OSBP2: variants seen among roughly 807,000 people sequenced by gnomAD.
OSBP2 encodes the protein oxysterol-binding protein 2.
In OSBP2, 66 loss-of-function variants were observed where a neutral mutation model predicts 96.0. The ratio of observed to expected loss-of-function variants is 0.69; its 90% CI spans 0.56 to 0.84. OSBP2 has a LOEUF of 0.84. OSBP2 is among the 40% of genes least tolerant of loss of function. The pLI is 0.00. For synonymous variants in OSBP2, 525 were observed against 520.9 expected (o/e 1.01, Z -0.11); for missense variants, 1,038 against 1,222.7 (o/e 0.85, Z 2.25).
chr22:30,826,129 G>A (rs2038400089), intron 2 of OSBP2, among the ~76,000 whole-genome samples: 1 of 152,162 alleles, frequency 6.6e-6, no homozygotes, highest in Non-Finnish European at 1.5e-5. Flanking sequence ...TAAAGGCCAG[G>A]ACAGAGAAGG....
chr22:30,803,585 C>T (rs1274148830), intron 2 of OSBP2, among the ~76,000 whole-genome samples: 1 of 152,226 alleles, frequency 6.6e-6, no homozygotes, highest in African/African-American at 2.4e-5. Context: ...AGAGGCCAGC[C>T]ATCTTTTAGC....
At chr22:30,794,635 T>C (rs2090730124) in intron 2 of OSBP2, among the ~76,000 whole-genome samples, 1 of 151,894 alleles carries the variant, frequency 6.6e-6, no homozygotes, top group African/African-American at 2.4e-5. Context: ...CTTTAAGTTA[T>C]TAATTTGCTA....
chr22:30,722,783 CTGTCT>C (rs1429685963), intron 1 of OSBP2, among the ~76,000 whole-genome samples: 1 of 116,724 alleles, frequency 8.6e-6, no homozygotes, highest in Non-Finnish European at 1.6e-5. Context: ...TTCTCTCTCT[CTGTCT>C]TTTTTTTTTT....
In OSBP2 at chr22:30,907,422, C is replaced by CG. The variant is rs1225795139; in HGVS notation, c.*1083_*1084insG. On this transcript the variant is annotated 3_prime_UTR_variant, in exon 14 of 14. Coordinates refer to ENST00000332585, the MANE Select transcript of OSBP2 (RefSeq NM_030758.4). ...AAATGATGAAGACGGGTGCACCTGT[C>CG]TGAGTTTGGCCCTCATGTGAGCTGT... The CG allele has an allele frequency of 6.6e-6, 1 of 151,496 alleles. No homozygotes were observed. The highest frequency in any genetic ancestry group is 2.4e-5 in the African/African-American group (1 of 41,346). The allele number at this position is 151,496 out of a possible 1,614,324, so 9.4% of individuals were successfully genotyped here.
At chr22:30,895,371 C>T (rs1470860186) in intron 12 of OSBP2, among the ~76,000 whole-genome samples, 1 of 151,898 alleles carries the variant, frequency 6.6e-6, no homozygotes, top group Non-Finnish European at 1.5e-5. Context: ...GTGCTGAAGA[C>T]AAGAAATAAA....
chr22:30,722,712 T>C (rs1474237274), intron 1 of OSBP2, among the ~76,000 whole-genome samples: 1 of 151,380 alleles, frequency 6.6e-6, no homozygotes, highest in Non-Finnish European at 1.5e-5. Context: ...TTCTTTCTCT[T>C]TTTTCTTTCT....
Position 30,732,577 on chromosome 22 carries a change from C to T in OSBP2, c.645-8584C>T, listed in dbSNP as rs138922812. ...CCAGATCAGTGGAATCTTTGTTTCA[C>T]ATTCCTCCCTTACCCCAGGACTAGA... On this transcript the variant is annotated intron_variant, in intron 1 of 13. Coordinates refer to ENST00000332585, the MANE Select transcript of OSBP2 (RefSeq NM_030758.4). Among the ~76,000 whole-genome samples the T allele has an allele frequency of 2.9e-3, 439 of 152,318 alleles. 1 individual carries two copies. The highest frequency in any genetic ancestry group is 5.3e-3 in the Non-Finnish European group (362 of 68,034).
At position 30,893,140 on chromosome 22, in the gene OSBP2, T is replaced by A; in HGVS notation, c.1888T>A (p.Ser630Thr). ...LCEQVSHHPP[S>T]AAHYVFSKHG... ...GTCTCAGGTGAGCCACCACCCCCCC[T>A]CAGCTGCGCACTACGTGTTCTCCAA... The change falls in exon 9 of 14, where the codon TCA (serine) becomes ACA (threonine). Residue 630 changes from serine (S) to threonine (T), a missense_variant. By Grantham distance (58) the Ser-to-Thr change is moderately conservative. Coordinates refer to ENST00000332585, the MANE Select transcript of OSBP2 (RefSeq NM_030758.4). 6.2e-7 allele frequency: 1 copy of A among 1,613,932 alleles called. No individual in the cohort carries two copies. The highest frequency in any genetic ancestry group is 8.5e-7 in the Non-Finnish European group (1 of 1,179,922).
At chr22:30,815,729 CT>C (rs1465067218) in intron 2 of OSBP2, among the ~76,000 whole-genome samples, 1 of 152,116 alleles carries the variant, frequency 6.6e-6, no homozygotes, top group African/African-American at 2.4e-5. Flanking sequence ...CTATCTTTCT[CT>C]TTTTTCTTTT....
chr22:30,862,771 T>A (rs1476362639), intron 2 of OSBP2, among the ~76,000 whole-genome samples: 2 of 149,946 alleles, frequency 1.3e-5, no homozygotes, highest in Non-Finnish European at 3.0e-5. Flanking sequence ...CAGGCGTTCC[T>A]GACCAGCCTG....
In OSBP2 at chr22:30,695,383, G is replaced by A; in HGVS notation, c.474G>A (p.Ala158=). The A allele has an allele frequency of 6.2e-7, 1 of 1,613,934 alleles. No individual in the cohort carries two copies. The highest frequency in any genetic ancestry group is 1.1e-5 in the South Asian group (1 of 91,084). Residue 158 remains alanine (A), a synonymous_variant, in exon 1 of 14, where the codon GCG becomes GCA. Transcript: ENST00000332585. Reference sequence around the variant, plus strand: ...TGCCTCTTCTGCGACCAGGACAGGCGAAGACTCCTCTTGGGGTTCCAATGT... The same window carrying A: ...TGCCTCTTCTGCGACCAGGACAGGCAAAGACTCCTCTTGGGGTTCCAATGT... ...KPLPLLRPGQ[A]KTPLGVPMSG...
At chr22:30,877,601 G>A (rs1030907862) in intron 3 of OSBP2, among the ~76,000 whole-genome samples, 5 of 152,194 alleles carry the variant, frequency 3.3e-5, no homozygotes, top group African/African-American at 7.2e-5. Context: ...AGCAGGTTCC[G>A]TCTGCAGGCC....
chr22:30,866,465 C>T (rs1349556855), intron 2 of OSBP2, among the ~76,000 whole-genome samples: 2 of 152,196 alleles, frequency 1.3e-5, no homozygotes, highest in African/African-American at 4.8e-5. Flanking sequence ...CTGGGCCAGG[C>T]GCGGTGGCTC....
At chr22:30,728,987 A>G (rs2089699928) in intron 1 of OSBP2, among the ~76,000 whole-genome samples, 1 of 152,192 alleles carries the variant, frequency 6.6e-6, no homozygotes, top group African/African-American at 2.4e-5. Context: ...TGGTAAGCAT[A>G]TGTACACATT....
Position 30,853,301 on chromosome 22 carries a change from C to T in OSBP2, c.854-17128C>T, listed in dbSNP as rs144409464. 2.4e-4 allele frequency among the ~76,000 whole-genome samples: 37 copies of T among 152,268 alleles called. No homozygotes were observed. In the East Asian group the frequency reaches 6.4e-3, roughly 26 times the overall value. ...TACCTTTAAGCTCTGTCACGAGGCA[C>T]GTGCACATCCAGGAGTTTGTGTTAT... On this transcript the variant is annotated intron_variant, in intron 2 of 13. Coordinates refer to ENST00000332585, the MANE Select transcript of OSBP2 (RefSeq NM_030758.4).
intron 2 of OSBP2, among the ~76,000 whole-genome samples, chr22:30,750,408 G>T (rs1194092936): frequency 1.3e-5 from 2 of 152,138 alleles, no homozygotes; most frequent in African/African-American, 4.8e-5. Flanking sequence ...CATTCATGCT[G>T]GCATTGCTGG....
intron 2 of OSBP2, among the ~76,000 whole-genome samples, chr22:30,772,625 G>A (rs1265864999): frequency 6.6e-6 from 1 of 152,180 alleles, no homozygotes; most frequent in Non-Finnish European, 1.5e-5. Context: ...GCCTGGGACT[G>A]GTTAGGCCTG....
rs2039468413 is a variant in OSBP2, at chr22:30,871,976, G to T, written c.1107+1294G>T. 6.6e-6 allele frequency among the ~76,000 whole-genome samples: 1 copy of T among 152,274 alleles called. No individual in the cohort carries two copies. ...ACCCTGGGGCCTGAGGCTGGGCGAG[G>T]TGTGCCCCCCTTCCCGACTGCTGGG... On this transcript the variant is annotated intron_variant, in intron 3 of 13. Coordinates refer to ENST00000332585, the MANE Select transcript of OSBP2 (RefSeq NM_030758.4). The surrounding 1 kb of genome is among the most constrained non-coding windows in gnomAD (Gnocchi z 4.7).
chr22:30,816,125 TA>T (rs571593003), intron 2 of OSBP2, among the ~76,000 whole-genome samples: 194 of 151,366 alleles, frequency 1.3e-3, no homozygotes, highest in South Asian at 4.2e-3. Flanking sequence ...ATTAAATAAT[TA>T]AAAAAAAATA....
Sources: allele counts gnomAD v4.1 joint callset (sites outside exome capture counted in the v4.1 genomes callset), GRCh38; gene constraint gnomAD v4.1.1; non-coding constraint Gnocchi (gnomAD v3.1); transcripts MANE v1.5; gene names NCBI Gene and HGNC (gene_info 2026-07-23, HGNC 2026-07-21).